Variants in NCOR1 observed in about 807,000 individuals in gnomAD.
NCOR1 encodes nuclear receptor corepressor 1.
NCOR1 carries 63 observed loss-of-function variants against 288.1 expected under a neutral mutation model. That is an observed-to-expected ratio of 0.22 (90% confidence interval 0.18 to 0.27). The LOEUF (loss-of-function observed/expected upper bound fraction) is 0.27. NCOR1 is among the 10% of genes least tolerant of loss of function. The probability of loss-of-function intolerance (pLI) is 1.00; values close to 1 mark genes in which losing one functional copy is unlikely to be tolerated. For synonymous variants in NCOR1, 1,007 were observed against 1,065.9 expected (o/e 0.94, Z 1.08); for missense variants, 2,397 against 3,019.2 (o/e 0.79, Z 4.83).
intron 44 of NCOR1, among the ~76,000 whole-genome samples, chr17:16,038,915 C>T (rs2057004422): frequency 6.6e-6 from 1 of 152,152 alleles, no homozygotes; most frequent in Admixed American, 6.5e-5. Context: ...GGATTACAGG[C>T]ACACGCCATC....
intron 5 of NCOR1, among the ~76,000 whole-genome samples, chr17:16,164,206 A>C (rs1009465745): frequency 4.0e-5 from 6 of 150,788 alleles, no homozygotes; most frequent in African/African-American, 9.7e-5. Flanking sequence ...GCACCACTGC[A>C]CTCCAGCCTC....
intron 1 of NCOR1, among the ~76,000 whole-genome samples, chr17:16,212,404 GA>G (rs1217350785): frequency 3.9e-5 from 6 of 152,142 alleles, no homozygotes; most frequent in Non-Finnish European, 7.3e-5. Flanking sequence ...CATACTGGTT[GA>G]ATATAAGTGA....
At chr17:16,162,975 C>T (rs891976248) in intron 5 of NCOR1, among the ~76,000 whole-genome samples, 3 of 151,826 alleles carry the variant, frequency 2.0e-5, no homozygotes, top group Non-Finnish European at 4.4e-5. Flanking sequence ...CTTAATAACC[C>T]CAGGGGGTTT....
chr17:16,096,400 T>A (rs1414697790), intron 21 of NCOR1, among the ~76,000 whole-genome samples: 1 of 152,102 alleles, frequency 6.6e-6, no homozygotes, highest in Non-Finnish European at 1.5e-5. Flanking sequence ...AAAATATAAA[T>A]AAAATATACT....
Position 16,119,914 on chromosome 17 carries a change from TC to T in NCOR1, c.1853-430del, listed in dbSNP as rs1840018257. 3.3e-5 allele frequency among the ~76,000 whole-genome samples: 5 copies of T among 152,184 alleles called. 1 individual carries two copies. In the South Asian group the frequency reaches 1.0e-3, roughly 32 times the overall value. On this transcript the variant is annotated intron_variant, in intron 16 of 45. Coordinates refer to ENST00000268712, the MANE Select transcript of NCOR1 (RefSeq NM_006311.4). ...AAACTCCTGGAGCCCCTTTAGTTCA[TC>T]CCCGAGTGTCTGACATCCAGTGGGT...
intron 21 of NCOR1, among the ~76,000 whole-genome samples, chr17:16,095,000 T>A (rs1489739756): frequency 1.3e-5 from 2 of 151,722 alleles, no homozygotes; most frequent in Non-Finnish European, 2.9e-5. Context: ...GTCTGGGAAG[T>A]GAGGAGCGTC....
intron 21 of NCOR1, among the ~76,000 whole-genome samples, chr17:16,097,139 C>T (rs1216957764): frequency 6.6e-6 from 1 of 152,190 alleles, no homozygotes; most frequent in Non-Finnish European, 1.5e-5. Context: ...ATTTCCAGAG[C>T]AGTAAGAGTG....
At chr17:16,034,285 T>C (rs1442604628) in intron 45 of NCOR1, among the ~76,000 whole-genome samples, 1 of 152,124 alleles carries the variant, frequency 6.6e-6, no homozygotes, top group Non-Finnish European at 1.5e-5. Flanking sequence ...ATGTTTCAGG[T>C]TATATGTGCA....
intron 1 of NCOR1, among the ~76,000 whole-genome samples, chr17:16,210,981 T>C (rs1379038139): frequency 6.6e-6 from 1 of 152,088 alleles, no homozygotes; most frequent in Non-Finnish European, 1.5e-5. Context: ...TCCGCCCACC[T>C]CGGCCTCCCA....
At chr17:16,100,630 C>T (rs1460039264) in intron 20 of NCOR1, among the ~76,000 whole-genome samples, 2 of 152,126 alleles carry the variant, frequency 1.3e-5, no homozygotes, top group African/African-American at 4.8e-5. Context: ...AAGAACGAGA[C>T]TCCGTCTCAA....
rs1330514718 is a variant in NCOR1 at position 16,030,813 on chromosome 17, T to TAG, written c.*1481_*1482dup. 5.5e-6 allele frequency: 1 copy of TAG among 183,470 alleles called. No individual in the cohort carries two copies. The highest frequency in any genetic ancestry group is 8.8e-5 in the East Asian group (1 of 11,326). 11.4% of individuals were successfully genotyped at this position (183,470 alleles called of 1,614,324 possible). On this transcript the variant is annotated 3_prime_UTR_variant, in exon 46 of 46. Transcript: ENST00000268712. ...TAACATAGGGATTAGACACCAGTGA[T>TAG]AGGAGGGTCTTGGTCAGTAGCTAAT...
intron 10 of NCOR1, among the ~76,000 whole-genome samples, chr17:16,144,843 T>C (rs2077643516): frequency 1.3e-5 from 2 of 150,194 alleles, no homozygotes; most frequent in South Asian, 4.2e-4. Context: ...CTCCCTCTGT[T>C]GCCGAAGCTG....
At chr17:16,152,922 T>C (rs2079096724) in intron 7 of NCOR1, among the ~76,000 whole-genome samples, 1 of 152,128 alleles carries the variant, frequency 6.6e-6, no homozygotes, top group African/African-American at 2.4e-5. Flanking sequence ...GTTAATCCCA[T>C]CTCCTGTCAC....
intron 1 of NCOR1, among the ~76,000 whole-genome samples, chr17:16,196,453 T>C (rs1343498163): frequency 6.6e-6 from 1 of 152,130 alleles, no homozygotes; most frequent in Non-Finnish European, 1.5e-5. Context: ...GAGGATCTCC[T>C]AAGGCCAGGC....
At chr17:16,032,584 G>C in intron 45 of NCOR1, 101 bp from the exon 46 acceptor site, 1 of 1,173,952 alleles carries the variant, frequency 8.5e-7, no homozygotes, top group Non-Finnish European at 1.2e-6. Flanking sequence ...ATTGTAAAAT[G>C]GTCATGTGAC....
chr17:16,208,804 C>A (rs2091845820), intron 1 of NCOR1, among the ~76,000 whole-genome samples: 1 of 152,014 alleles, frequency 6.6e-6, no homozygotes, highest in Non-Finnish European at 1.5e-5. Flanking sequence ...CCACTACACT[C>A]CAGCCTGAAG....
chr17:16,068,484 A>C, intron 31 of NCOR1: 1 of 223,346 alleles, frequency 4.5e-6, no homozygotes, highest in Non-Finnish European at 9.0e-6. Flanking sequence ...CATGTAGTAA[A>C]CTTCAGTTTT....
At chr17:16,034,695 G>A in intron 45 of NCOR1, 70 bp downstream of exon 45, 2 of 1,357,780 alleles carry the variant, frequency 1.5e-6, no homozygotes. Context: ...GCTGAATTTT[G>A]AAGAACTAAT....
chr17:16,167,944 G>A (rs753587789), intron 4 of NCOR1, among the ~76,000 whole-genome samples: 4 of 146,960 alleles, frequency 2.7e-5, no homozygotes, highest in Non-Finnish European at 6.0e-5. Flanking sequence ...AAAGGCAAAC[G>A]ATTAAATAGG....
Sources: allele counts gnomAD v4.1 joint callset (sites outside exome capture counted in the v4.1 genomes callset), GRCh38; gene constraint gnomAD v4.1.1; transcripts MANE v1.5; gene names NCBI Gene and HGNC (gene_info 2026-07-23, HGNC 2026-07-21).